Variants in FBN3 observed in about 807,000 individuals in gnomAD.
FBN3 encodes fibrillin 3.
FBN3 carries 234 observed loss-of-function variants against 330.1 expected under a neutral mutation model. That is an observed-to-expected ratio of 0.71 (90% confidence interval 0.64 to 0.79). The LOEUF (loss-of-function observed/expected upper bound fraction) is 0.79. Ranked by LOEUF, FBN3 falls within the 30% of genes least tolerant of loss-of-function variation. The pLI is 0.00. For missense variants in FBN3, 3,606 were observed against 3,886.9 expected, an observed-to-expected ratio of 0.93 and a Z score of 1.92; for synonymous variants, 1,458 against 1,517.3, an observed-to-expected ratio of 0.96 and a Z score of 0.91.
intron 62 of FBN3, among the ~76,000 whole-genome samples, chr19:8,072,783 C>T (rs895863345): frequency 1.3e-5 from 2 of 152,036 alleles, no homozygotes; most frequent in Non-Finnish European, 2.9e-5. Context: ...AGGGTGCCCA[C>T]GCATGCTGGT....
chr19:8,074,202 G>T (rs773457910), intron 61 of FBN3, among the ~76,000 whole-genome samples: 2 of 152,144 alleles, frequency 1.3e-5, no homozygotes, highest in Non-Finnish European at 2.9e-5. Context: ...TCAGTACGGG[G>T]GGAGGAAACA....
In FBN3 at chr19:8,109,980, G is replaced by C. The variant is rs1038792618; in HGVS notation, c.4334-227C>G. Among the ~76,000 whole-genome samples, 1 of 152,208 alleles carries C rather than the reference G, an allele frequency of 6.6e-6. No homozygotes were observed. Reference sequence around the variant, plus strand: ...CTCTCCTGCTCTGTTCTGCCTGGCAGAGTTTTGTTCATTGAACTCTACCTG... The same window carrying C: ...CTCTCCTGCTCTGTTCTGCCTGGCACAGTTTTGTTCATTGAACTCTACCTG... On this transcript the variant is annotated intron_variant, in intron 34 of 63. Transcript: ENST00000600128. The surrounding 1 kb of genome is among the most constrained non-coding windows in gnomAD (Gnocchi z 5.2).
rs2083160830 is a variant in FBN3, at chr19:8,131,984, TCTC to T, written c.1715-158_1715-156del. Among the ~76,000 whole-genome samples, 3 of 152,158 alleles carry T rather than the reference TCTC, an allele frequency of 2.0e-5. No homozygotes were observed. The highest frequency in any genetic ancestry group is 6.5e-5 in the Admixed American group (1 of 15,268). ...TTTCCTGTTGTCTGTGTCTCTGTCC[TCTC>T]CTCCTCTTGTCTCCTTCCTCTTCTC... On this transcript the variant is annotated intron_variant, in intron 14 of 63. Transcript: ENST00000600128. This position sits in a 1 kb window ranked among gnomAD's most constrained non-coding sequence, Gnocchi z 4.5.
At chr19:8,095,354 G>T (rs768198014) in intron 46 of FBN3, 21 bp downstream of exon 46, 2 of 1,608,030 alleles carry the variant, frequency 1.2e-6, no homozygotes, top group South Asian at 2.2e-5. Context: ...AGATGCCTCC[G>T]AGCACCATAG....
chr19:8,126,679 C>T, intron 19 of FBN3, 34 bp downstream of exon 19: 2 of 1,585,458 alleles, frequency 1.3e-6, no homozygotes, highest in Non-Finnish European at 1.7e-6. Context: ...GACGCCCAGC[C>T]TCTGGAACGC....
chr19:8,089,915 C>T lies in FBN3; in HGVS notation c.6229G>A (p.Gly2077Ser). ...TCACCTTCTCGGGAGTCATCCGGGC[C>T]TGGGACTGCCCCGTGGCCAAAGGGG... ...LCPFGHGAVPGPDDSREDVNE... is the reference protein window; with the variant it reads ...LCPFGHGAVPSPDDSREDVNE... The change falls in exon 50 of 64, where the codon GGC becomes AGC. Residue 2077 changes from glycine to serine, a missense_variant. Transcript: ENST00000600128. The T allele has an allele frequency of 1.2e-6, 2 of 1,604,548 alleles. No individual in the cohort carries two copies. Among genetic ancestry groups the T allele is most frequent in the East Asian group, 4.5e-5 (2 of 44,678 alleles).
chr19:8,118,782 AAGAC>A (rs368187211), intron 26 of FBN3, 111 bp downstream of exon 26: 26 of 1,337,568 alleles, frequency 1.9e-5, no homozygotes, highest in African/African-American at 1.3e-4. Context: ...TGGCCTCAGA[AAGAC>A]AGATACACAT....
chr19:8,089,185 A>G (rs1291888444), intron 51 of FBN3, among the ~76,000 whole-genome samples: 2 of 152,202 alleles, frequency 1.3e-5, no homozygotes, highest in African/African-American at 4.8e-5. Flanking sequence ...GAGTGAGCCA[A>G]GGAGTGAATG....
At chr19:8,074,923 T>C (rs1459272906) in intron 61 of FBN3, 148 bp downstream of exon 61, 2 of 1,033,004 alleles carry the variant, frequency 1.9e-6, no homozygotes, top group East Asian at 2.6e-5. Flanking sequence ...TCCCCAGCAG[T>C]GGGGAACTCA....
Position 8,138,488 on chromosome 19 carries a change from G to C in FBN3, c.942C>G (p.Arg314=). The C allele has an allele frequency of 6.2e-7, 1 of 1,613,332 alleles. No homozygotes were observed. The highest frequency in any genetic ancestry group is 8.5e-7 in the Non-Finnish European group (1 of 1,180,012). Residue 314 remains arginine (R), a synonymous_variant, in exon 9 of 64, where the codon CGC becomes CGG. Transcript: ENST00000600128. ...TGCCCCTGTCACAGCAGCACTGCCT[G>C]CGAGTGTAGTGGCCGGCGAGGTCTC... is the stretch of plus-strand genomic sequence containing the variant. ...CAGDLAGHYT[R]RQCCCDRGRC... is the part of the protein sequence containing the mutation.
At position 8,096,992 on chromosome 19, in the gene FBN3, CACACTCATCG is replaced by C; in HGVS notation, c.5292_5301del (p.Asp1765AlafsTer111). ...TGCTGGCAGGGACTCTCCCTGCTGC[CACACTCATCG>C]ACATCTGGGAAAATACAGCAAATGA... is the stretch of plus-strand genomic sequence containing the variant. On this transcript the variant is annotated frameshift_variant, in exon 43 of 64. Transcript: ENST00000600128. LOFTEE classifies it high-confidence loss of function. This position sits in a 1 kb window ranked among gnomAD's most constrained non-coding sequence, Gnocchi z 4.6. 2.5e-6 allele frequency: 4 copies of C among 1,613,348 alleles called. No individual in the cohort carries two copies. Among genetic ancestry groups the C allele is most frequent in the Non-Finnish European group, 3.4e-6 (4 of 1,179,960 alleles).
At position 8,087,225 on chromosome 19, in the gene FBN3, G is replaced by A. The variant is rs1168445246; in HGVS notation, c.6620-14C>T. ...ACTCGTCCACATCTTCGGATGACCA[G>A]AGACAGATGGTCAGTCAAGGCCAGG... On this transcript the variant is annotated splice_polypyrimidine_tract_variant and intron_variant, in intron 53 of 63. Coordinates refer to ENST00000600128, the MANE Select transcript of FBN3 (RefSeq NM_032447.5). 3 of 1,571,982 alleles carry A rather than the reference G, an allele frequency of 1.9e-6. No homozygotes were observed. The South Asian group carries it at 3.4e-5, about 18-fold the overall frequency.
intron 30 of FBN3, among the ~76,000 whole-genome samples, chr19:8,114,971 T>C (rs544279312): frequency 2.8e-4 from 42 of 152,192 alleles, no homozygotes; most frequent in Non-Finnish European, 8.8e-5. Context: ...CGGGTTCAAA[T>C]GATTCTCCTG....
intron 63 of FBN3, among the ~76,000 whole-genome samples, chr19:8,068,430 C>T (rs1437880205): frequency 6.6e-6 from 1 of 150,750 alleles, no homozygotes; most frequent in South Asian, 2.1e-4. Context: ...GGCACGGTGG[C>T]TCATGCCTGT....
chr19:8,147,279 C>A, intron 2 of FBN3, 35 bp downstream of exon 2: 1 of 1,573,892 alleles, frequency 6.4e-7, no homozygotes, highest in Non-Finnish European at 8.6e-7. Context: ...CAATCCACAC[C>A]GAAGGGGTCT....
At chr19:8,138,055 A>G in intron 10 of FBN3, 86 bp downstream of exon 10, 1 of 1,417,662 alleles carries the variant, frequency 7.1e-7, no homozygotes, top group Non-Finnish European at 9.4e-7. Context: ...TGAGGCCTGG[A>G]CACCGTCCCC....
intron 14 of FBN3, among the ~76,000 whole-genome samples, chr19:8,132,114 T>C (rs191126977): frequency 1.8e-4 from 28 of 152,222 alleles, no homozygotes; most frequent in African/African-American, 6.3e-4. Context: ...GGCGTGATCA[T>C]AGCTCACTGC....
chr19:8,099,225 A>G (rs561451268), intron 41 of FBN3, among the ~76,000 whole-genome samples: 1 of 151,742 alleles, frequency 6.6e-6, no homozygotes, highest in Non-Finnish European at 1.5e-5. Context: ...GAAAAGAGAC[A>G]GAGTTGAGGT....
chr19:8,090,556 T>C (rs2082075265), intron 48 of FBN3, among the ~76,000 whole-genome samples: 1 of 150,584 alleles, frequency 6.6e-6, no homozygotes, highest in Non-Finnish European at 1.5e-5. Flanking sequence ...CGATCTCAGC[T>C]CACTGCAACC....
Sources: allele counts gnomAD v4.1 joint callset (sites outside exome capture counted in the v4.1 genomes callset), GRCh38; gene constraint gnomAD v4.1.1; non-coding constraint Gnocchi (gnomAD v3.1); transcripts MANE v1.5; gene names NCBI Gene and HGNC (gene_info 2026-07-23, HGNC 2026-07-21).